Variants in ZFYVE16 observed in about 807,000 individuals in gnomAD.
ZFYVE16 encodes the protein zinc finger FYVE-type containing 16.
ZFYVE16 carries 89 observed loss-of-function variants against 138.1 expected under a neutral mutation model. The ratio of observed to expected loss-of-function variants is 0.64; its 90% CI spans 0.54 to 0.77. ZFYVE16 has a LOEUF of 0.77. ZFYVE16 is among the 30% of genes least tolerant of loss of function. The pLI is 0.00. For synonymous variants in ZFYVE16, 596 were observed against 618.3 expected (o/e 0.96, Z 0.53); for missense variants, 1,793 against 1,786.7 (o/e 1.00, Z -0.06).
intron 11 of ZFYVE16, among the ~76,000 whole-genome samples, chr5:80,453,502 C>G (rs1181296409): frequency 6.6e-6 from 1 of 152,120 alleles, no homozygotes; most frequent in East Asian, 1.9e-4. Context: ...AATCATGGAG[C>G]AATACGAAGG....
In ZFYVE16 at chr5:80,464,767, A is replaced by G. The variant is rs138954382; in HGVS notation, c.4024+5273A>G. On this transcript the variant is annotated intron_variant, in intron 15 of 18. Coordinates refer to ENST00000505560, the MANE Select transcript of ZFYVE16 (RefSeq NM_001284236.3). ...TCCCTACTGTGTTTTTTTGTGTTAGATATTTTCTAGTGTACCATTTTAATT... is the reference window on the plus strand; with the variant it reads ...TCCCTACTGTGTTTTTTTGTGTTAGGTATTTTCTAGTGTACCATTTTAATT... Among the ~76,000 whole-genome samples the G allele has an allele frequency of 6.1e-3, 930 of 151,870 alleles. 11 individuals carry two copies. Among genetic ancestry groups the G allele is most frequent in the African/African-American group, 0.021 (858 of 41,414 alleles).
At position 80,438,880 on chromosome 5, in the gene ZFYVE16, A is replaced by G. The variant is rs749765993; in HGVS notation, c.2195A>G (p.Lys732Arg). Residue 732 changes from lysine to arginine, a missense_variant, in exon 4 of 19, where the codon AAA becomes AGA. Coordinates refer to ENST00000505560, the MANE Select transcript of ZFYVE16 (RefSeq NM_001284236.3). ...NEDSVPENTC[K>R]EGLVLGQKQP... ...GATTCTGTACCTGAAAACACTTGCA[A>G]AGAAGGCTTGGTTTTGGGCCAGAAA... 22 of 1,613,992 alleles carry G rather than the reference A, an allele frequency of 1.4e-5. No homozygotes were observed. Among genetic ancestry groups the G allele is most frequent in the East Asian group, 2.2e-5 (1 of 44,890 alleles).
Position 80,469,810 on chromosome 5 carries a change from A to ATT in ZFYVE16, c.4025-2942_4025-2941dup, listed in dbSNP as rs57924011. Among the ~76,000 whole-genome samples the ATT allele has an allele frequency of 3.5e-3, 511 of 147,772 alleles. 4 individuals are homozygous for ATT. Among genetic ancestry groups the ATT allele is most frequent in the East Asian group, 0.02 (103 of 5,080 alleles). ...TGATTTTTCTTTATGTTCTCCAATTATTTTTTTTTTGCCATCTTTAGTCTA... is the reference window on the plus strand; with the variant it reads ...TGATTTTTCTTTATGTTCTCCAATTATTTTTTTTTTTTGCCATCTTTAGTCTA... On this transcript the variant is annotated intron_variant, in intron 15 of 18. Coordinates refer to ENST00000505560, the MANE Select transcript of ZFYVE16 (RefSeq NM_001284236.3).
At position 80,438,734 on chromosome 5, in the gene ZFYVE16, C is replaced by A. The variant is rs200360319; in HGVS notation, c.2049C>A (p.Thr683=). Residue 683 remains threonine, a synonymous_variant, in exon 4 of 19, where the codon ACC becomes ACA. Transcript: ENST00000505560. ...TIESEPSTAD[T]VVPITCAIDS... is the part of the protein sequence containing the mutation. ...AAAGTGAACCCAGCACAGCAGATAC[C>A]GTTGTTCCAATCACTTGTGCTATAG... 3.2e-4 allele frequency: 516 copies of A among 1,614,100 alleles called. No homozygotes were observed. Among genetic ancestry groups the A allele is most frequent in the Admixed American group, 1.4e-3 (85 of 60,004 alleles).
Position 80,451,587 on chromosome 5 carries a change from T to C in ZFYVE16, c.3485T>C (p.Leu1162Pro), listed in dbSNP as rs1186451698. The change falls in exon 11 of 19, where the codon CTT becomes CCT. Residue 1162 changes from leucine to proline, a missense_variant. This residue lies in a region of ZFYVE16 where 498 missense variants were observed against 582.4 expected (regional missense o/e 0.86). Transcript: ENST00000505560. ...TTTATTACACCTACTTTTCAGAAAC[T>C]TGATGATCTCTCATTACCAAGTAAT... ...FLFITPTFQK[L>P]DDLSLPSNPF... 6 of 1,613,792 alleles carry C rather than the reference T, an allele frequency of 3.7e-6. No homozygotes were observed. Among genetic ancestry groups the C allele is most frequent in the South Asian group, 1.1e-5 (1 of 91,082 alleles).
chr5:80,437,848 TA>T lies in ZFYVE16; in HGVS notation c.1165del (p.Ile389LeufsTer23), dbSNP rs1205451496. On this transcript the variant is annotated frameshift_variant, in exon 4 of 19. Coordinates refer to ENST00000505560, the MANE Select transcript of ZFYVE16 (RefSeq NM_001284236.3). LOFTEE classifies it high-confidence loss of function. Reference sequence around the variant, plus strand: ...GCGTCTGGGTCTATGTGTGGATCATTAATTGAAAGTAAAGCACGGGGTGATT... The same window carrying T: ...GCGTCTGGGTCTATGTGTGGATCATTATTGAAAGTAAAGCACGGGGTGATT... Reference protein sequence around the residue: ...LPASGSMCGSLIESKARGDFL... With the variant: ...LPASGSMCGSXIESKARGDFL... 1 of 1,614,044 alleles carries T rather than the reference TA, an allele frequency of 6.2e-7. No individual in the cohort carries two copies. Among genetic ancestry groups the T allele is most frequent in the Non-Finnish European group, 8.5e-7 (1 of 1,179,976 alleles).
intron 1 of ZFYVE16, among the ~76,000 whole-genome samples, chr5:80,426,588 T>C (rs1206298672): frequency 6.6e-6 from 1 of 152,168 alleles, no homozygotes; most frequent in African/African-American, 2.4e-5. Flanking sequence ...CTGAGAATAA[T>C]GGCTTTTAGC....
intron 18 of ZFYVE16, among the ~76,000 whole-genome samples, chr5:80,476,035 C>A (rs1754875469): frequency 6.6e-6 from 1 of 152,194 alleles, no homozygotes; most frequent in South Asian, 2.1e-4. Flanking sequence ...CCTCTGCCCC[C>A]TGGGTTCAAG....
Position 80,456,999 on chromosome 5 carries a change from T to G in ZFYVE16, c.3850T>G (p.Phe1284Val), listed in dbSNP as rs757931530. ...GCATGTCATTAGCATTGGAGCAAGTTTCAGTACAGAAGCAGATTCTCATCT... is the reference window on the plus strand; with the variant it reads ...GCATGTCATTAGCATTGGAGCAAGTGTCAGTACAGAAGCAGATTCTCATCT... Reference protein sequence around the residue: ...NEHVISIGASFSTEADSHLVC... With the variant: ...NEHVISIGASVSTEADSHLVC... Residue 1284 changes from phenylalanine (F) to valine (V), a missense_variant, in exon 14 of 19, where the codon TTC becomes GTC. Around this residue, in one of 2 missense-constraint regions of ZFYVE16, gnomAD observed 498 missense variants for 582.4 expected, o/e 0.86. Coordinates refer to ENST00000505560, the MANE Select transcript of ZFYVE16 (RefSeq NM_001284236.3). 9 of 1,611,940 alleles carry G rather than the reference T, an allele frequency of 5.6e-6. No individual in the cohort carries two copies. The highest frequency in any genetic ancestry group is 7.6e-6 in the Non-Finnish European group (9 of 1,179,400).
At chr5:80,442,844 C>T (rs1750869235) in intron 5 of ZFYVE16, among the ~76,000 whole-genome samples, 1 of 152,188 alleles carries the variant, frequency 6.6e-6, no homozygotes, top group South Asian at 2.1e-4. Flanking sequence ...AAAACAGAGA[C>T]AGTCATGTAA....
intron 2 of ZFYVE16, among the ~76,000 whole-genome samples, chr5:80,430,004 C>T (rs1019463115): frequency 6.6e-6 from 1 of 152,040 alleles, no homozygotes; most frequent in Non-Finnish European, 1.5e-5. Context: ...ACTTTAACAC[C>T]CCACTGTCAA....
In ZFYVE16 at chr5:80,459,656, C is replaced by CTCTCT. The variant is rs556682906; in HGVS notation, c.4024+166_4024+170dup. Among the ~76,000 whole-genome samples the CTCTCT allele has an allele frequency of 5.4e-3, 818 of 152,328 alleles. 5 individuals carry two copies. Among genetic ancestry groups the CTCTCT allele is most frequent in the Non-Finnish European group, 8.7e-3 (590 of 68,022 alleles). ...AGCACAAGAAGTAGAAGACTTATCT[C>CTCTCT]TCTCTTCTGCGTCTCCCCAGGAATT... On this transcript the variant is annotated intron_variant, in intron 15 of 18. Transcript: ENST00000505560.
intron 3 of ZFYVE16, 62 bp from the exon 4 acceptor site, chr5:80,436,691 CATA>C (rs1749954463): frequency 7.2e-7 from 1 of 1,393,360 alleles, no homozygotes; most frequent in South Asian, 1.5e-5. Context: ...TCTTGGGAAA[CATA>C]ATATGTTTAA....
At position 80,481,402 on chromosome 5, in the gene ZFYVE16, AAACT is replaced by A. The variant is rs1329913416; in HGVS notation, c.*4029_*4032del. On this transcript the variant is annotated 3_prime_UTR_variant, in exon 19 of 19. Coordinates refer to ENST00000505560, the MANE Select transcript of ZFYVE16 (RefSeq NM_001284236.3). Reference sequence around the variant, plus strand: ...TCATCTCACAAGCTGTGTATGTGTGAAACTAACCAGAAGCAGCTGAGCAAAGGTT... The same window carrying A: ...TCATCTCACAAGCTGTGTATGTGTGAAACCAGAAGCAGCTGAGCAAAGGTT... Among the ~76,000 whole-genome samples the A allele has an allele frequency of 1.3e-5, 2 of 152,332 alleles. No individual in the cohort carries two copies. The highest frequency in any genetic ancestry group is 6.5e-5 in the Admixed American group (1 of 15,292).
At chr5:80,463,774 A>G (rs567753578) in intron 15 of ZFYVE16, among the ~76,000 whole-genome samples, 4 of 152,232 alleles carry the variant, frequency 2.6e-5, no homozygotes, top group Non-Finnish European at 4.4e-5. Flanking sequence ...AGAGCCCCCA[A>G]ATCACCTCTT....
chr5:80,445,193 C>T, intron 6 of ZFYVE16, 70 bp from the exon 7 acceptor site: 2 of 1,542,860 alleles, frequency 1.3e-6, no homozygotes, highest in Non-Finnish European at 1.8e-6. Flanking sequence ...AAACATTTCA[C>T]AATCTTTTTG....
chr5:80,478,380 A>T lies in ZFYVE16; in HGVS notation c.*1003A>T, dbSNP rs951955273. 6 of 151,984 alleles carry T rather than the reference A, an allele frequency of 3.9e-5. No individual in the cohort carries two copies. Among genetic ancestry groups the T allele is most frequent in the African/African-American group, 1.4e-4 (6 of 41,416 alleles). 9.4% of individuals were successfully genotyped at this position (151,984 alleles called of 1,614,324 possible). A position where few individuals can be genotyped will look rare whatever the true frequency, so the allele number is the denominator to read the frequency against. ...GTATAAGTATAAATTTAAATGAACT[A>T]ATTACTTTTGCATATTTTAAATTCT... On this transcript the variant is annotated 3_prime_UTR_variant, in exon 19 of 19. Transcript: ENST00000505560.
At chr5:80,448,905 C>G (rs1001953435) in intron 8 of ZFYVE16, among the ~76,000 whole-genome samples, 1 of 152,044 alleles carries the variant, frequency 6.6e-6, no homozygotes, top group African/African-American at 2.4e-5. Context: ...CTATGGCTAA[C>G]CCCCACCCCA....
Position 80,453,721 on chromosome 5 carries a change from G to A in ZFYVE16, c.3608-1971G>A, listed in dbSNP as rs114716428. ...ATGTGAACTGTGTGTGTGTCTGTGT[G>A]TGTATTTTGTTACAGAGGTAATGTA... On this transcript the variant is annotated intron_variant, in intron 11 of 18. Coordinates refer to ENST00000505560, the MANE Select transcript of ZFYVE16 (RefSeq NM_001284236.3). Among the ~76,000 whole-genome samples the A allele has an allele frequency of 3.8e-3, 571 of 152,266 alleles. 5 individuals are homozygous for A. The highest frequency in any genetic ancestry group is 0.013 in the African/African-American group (548 of 41,560).
Sources: gnomAD v4.1 joint callset for allele counts (sites outside exome capture counted in the v4.1 genomes callset) on GRCh38, gnomAD v4.1.1 for gene constraint, gnomAD v4.1.1 regional missense constraint, MANE v1.5 for transcripts, NCBI Gene and HGNC (gene_info 2026-07-23, HGNC 2026-07-21) for gene names.